The following BRD8 variants were observed in gnomAD, a reference collection of about 807,000 sequenced individuals.
The protein encoded by BRD8 is bromodomain containing 8.
In BRD8, 67 loss-of-function variants were observed where a neutral mutation model predicts 143.1. The observed-to-expected ratio is 0.47, with a 90% CI of 0.38 to 0.57. The LOEUF (loss-of-function observed/expected upper bound fraction) is 0.57. Among genes scored for constraint, BRD8 ranks in the 20% least tolerant of loss-of-function variants. The pLI is 0.00. For synonymous variants in BRD8, 505 were observed against 517.1 expected (o/e 0.98, Z 0.32); for missense variants, 1,103 against 1,503.0 (o/e 0.73, Z 4.40).
chr5:138,163,000 A>G (rs1753114992), intron 15 of BRD8, 130 bp downstream of exon 15: 1 of 833,914 alleles, frequency 1.2e-6, no homozygotes, highest in Non-Finnish European at 1.8e-6. Context: ...AAGAAAAAAG[A>G]GAAGGAAAGG....
At chr5:138,172,647 G>A (rs7735635) in intron 2 of BRD8, 219,089 of 331,286 alleles carry the variant, frequency 0.66, 74,047 homozygotes, top group African/African-American at 0.86. Context: ...CAAGCCACCC[G>A]AGGAGATCCC....
intron 2 of BRD8, 53 bp downstream of exon 2, chr5:138,177,518 G>T: frequency 9.8e-7 from 1 of 1,017,356 alleles, no homozygotes. Context: ...CGATGTGAAA[G>T]AGTATCTAAC....
At chr5:138,140,509 T>C in intron 26 of BRD8, 196 bp downstream of exon 26, 1 of 651,116 alleles carries the variant, frequency 1.5e-6, no homozygotes, top group South Asian at 1.9e-5. Flanking sequence ...CCTGCATTCC[T>C]AGACTACTTC....
chr5:138,161,710 A>T, intron 17 of BRD8, 86 bp downstream of exon 17: 1 of 1,388,996 alleles, frequency 7.2e-7, no homozygotes, highest in Non-Finnish European at 1.0e-6. Flanking sequence ...TACTTGCTTT[A>T]AACTTTCTAT....
intron 21 of BRD8, among the ~76,000 whole-genome samples, chr5:138,151,565 G>T (rs1752368581): frequency 6.6e-6 from 1 of 152,148 alleles, no homozygotes; most frequent in African/African-American, 2.4e-5. Flanking sequence ...AACTCCAAAA[G>T]CATGAATTAC....
In BRD8 at chr5:138,170,927, A is replaced by C; in HGVS notation, c.360-15T>G. The stretch of plus-strand genomic sequence containing the variant: ...TCTTTAGCCGTCTATAGGAAGAAAG[A>C]GAGGTAGGTAGACTGGGTTTTTTAA... On this transcript the variant is annotated splice_polypyrimidine_tract_variant and intron_variant, in intron 5 of 26. Coordinates refer to ENST00000254900, the MANE Select transcript of BRD8 (RefSeq NM_139199.2). The C allele has an allele frequency of 6.2e-7, 1 of 1,613,672 alleles. No individual in the cohort carries two copies. The highest frequency in any genetic ancestry group is 8.5e-7 in the Non-Finnish European group (1 of 1,179,554).
At chr5:138,177,488 G>A in intron 2 of BRD8, 83 bp downstream of exon 2, 1 of 833,522 alleles carries the variant, frequency 1.2e-6, no homozygotes. Flanking sequence ...AGCTTAATAT[G>A]ATTAACTATA....
intron 25 of BRD8, among the ~76,000 whole-genome samples, chr5:138,143,486 T>A (rs1478796161): frequency 6.6e-6 from 1 of 152,014 alleles, no homozygotes; most frequent in Non-Finnish European, 1.5e-5. Flanking sequence ...AAAATTTTTT[T>A]AAATAAAAAA....
Position 138,164,759 on chromosome 5 carries a change from G to A in BRD8, c.1686C>T (p.Ala562=), listed in dbSNP as rs1405235330. 4 of 1,614,170 alleles carry A rather than the reference G, an allele frequency of 2.5e-6. No individual in the cohort carries two copies. Among genetic ancestry groups the A allele is most frequent in the Non-Finnish European group, 3.4e-6 (4 of 1,180,044 alleles). ...GTGGAGTCTCATCGCCTTTCCCAAT[G>A]GCAACATCTGCTTCAACAATCTCTC... ...AAGEIVEADV[A]IGKGDETPLT... The change falls in exon 12 of 27, where the codon GCC becomes GCT. Residue 562 remains alanine (A), a synonymous_variant. Transcript: ENST00000254900.
chr5:138,169,279 T>C lies in BRD8; in HGVS notation c.585A>G (p.Gly195=). 1 of 1,614,002 alleles carries C rather than the reference T, an allele frequency of 6.2e-7. No individual in the cohort carries two copies. The highest frequency in any genetic ancestry group is 1.1e-5 in the South Asian group (1 of 91,076). ...TCAAGTCCCCAAGTGGATAATCACCTCCTGGGGAGGCAGAATCTATAGGAG... is the reference window on the plus strand; with the variant it reads ...TCAAGTCCCCAAGTGGATAATCACCCCCTGGGGAGGCAGAATCTATAGGAG... ...VRSPIDSASP[G]GDYPLGDLTP... The change falls in exon 8 of 27, where the codon GGA becomes GGG. Residue 195 remains glycine (G), a synonymous_variant. Transcript: ENST00000254900.
At chr5:138,143,374 G>C (rs1400433880) in intron 25 of BRD8, among the ~76,000 whole-genome samples, 1 of 152,162 alleles carries the variant, frequency 6.6e-6, no homozygotes, top group African/African-American at 2.4e-5. Context: ...AGCTACTCCG[G>C]AGGCTGAAGT....
chr5:138,166,885 CCTTA>C (rs1753470679), intron 9 of BRD8, 158 bp from the exon 10 acceptor site: 1 of 592,416 alleles, frequency 1.7e-6, no homozygotes, highest in Admixed American at 2.8e-5. Flanking sequence ...CTTACTCTAA[CCTTA>C]CTTAAGATCT....
Position 138,162,041 on chromosome 5 carries a change from A to G in BRD8, c.2180+13T>C. On this transcript the variant is annotated intron_variant, in intron 16 of 26. Coordinates refer to ENST00000254900, the MANE Select transcript of BRD8 (RefSeq NM_139199.2). The stretch of plus-strand genomic sequence containing the variant: ...GGAGAAAATGAACCTACTGACTGGT[A>G]AAGCCCACTCACCTATGATTAGCTG... 6.2e-7 allele frequency: 1 copy of G among 1,609,330 alleles called. No homozygotes were observed. The highest frequency in any genetic ancestry group is 1.1e-5 in the South Asian group (1 of 90,372).
In BRD8 at chr5:138,152,495, TGGA is replaced by T. The variant is rs1402157198; in HGVS notation, c.2840_2842del (p.Leu947del). The T allele has an allele frequency of 2.5e-5, 41 of 1,613,964 alleles. No homozygotes were observed. Among genetic ancestry groups the T allele is most frequent in the Non-Finnish European group, 3.3e-5 (39 of 1,180,010 alleles). On this transcript the variant is annotated inframe_deletion, in exon 21 of 27. Transcript: ENST00000254900. ...GCTCACTGTTACCTCAGAGAGAAAG[TGGA>T]GGAGGTTCTGGTGGCTGGCTTTCCT...
chr5:138,150,924 C>T lies in BRD8; in HGVS notation c.2941G>A (p.Gly981Arg). 3 of 1,614,162 alleles carry T rather than the reference C, an allele frequency of 1.9e-6. No homozygotes were observed. The highest frequency in any genetic ancestry group is 1.1e-5 in the South Asian group (1 of 91,086). Residue 981 changes from glycine (G) to arginine (R), a missense_variant, in exon 22 of 27, where the codon GGA (glycine) becomes AGA (arginine). Physicochemically the swap from Gly to Arg is moderately radical, Grantham distance 125. Around this residue, in one of 7 missense-constraint regions of BRD8, gnomAD observed 369 missense variants for 445.5 expected, o/e 0.83. Transcript: ENST00000254900. ...CCTTCGCTAGCTTTAATTTCCCTTC[C>T]TTCTTGTCTGGTACCAGATGGAGGG... ...CCPPSGTRQE[G>R]REIKASEGER...
At chr5:138,166,280 G>A in intron 10 of BRD8, 172 bp from the exon 11 acceptor site, 1 of 634,624 alleles carries the variant, frequency 1.6e-6, no homozygotes, top group Non-Finnish European at 2.7e-6. Context: ...AGAAAGGTGA[G>A]AACATATTTT....
chr5:138,148,099 GGAA>G (rs754947163), intron 23 of BRD8, among the ~76,000 whole-genome samples: 1 of 146,658 alleles, frequency 6.8e-6, no homozygotes, highest in African/African-American at 2.5e-5. Flanking sequence ...CCACACTGGA[GGAA>G]GAAGAAGAAT....
At chr5:138,155,922 G>A (rs1752571828) in intron 20 of BRD8, among the ~76,000 whole-genome samples, 1 of 152,138 alleles carries the variant, frequency 6.6e-6, no homozygotes, top group Admixed American at 6.6e-5. Flanking sequence ...CACCCAGGCT[G>A]GAGTGCAGTG....
At chr5:138,171,488 T>A in intron 3 of BRD8, 78 bp from the exon 4 acceptor site, 1 of 939,424 alleles carries the variant, frequency 1.1e-6, no homozygotes, top group East Asian at 2.4e-5. Context: ...TTCAAGAGAT[T>A]AGAGTAAGAT....
Sources: allele counts gnomAD v4.1 joint callset (sites outside exome capture counted in the v4.1 genomes callset), GRCh38; gene constraint gnomAD v4.1.1; regional missense constraint gnomAD v4.1.1; transcripts MANE v1.5; gene names NCBI Gene and HGNC (gene_info 2026-07-23, HGNC 2026-07-21).